CSMD3: variants seen among roughly 807,000 people sequenced by gnomAD.
CSMD3 encodes the protein CUB and Sushi multiple domains 3.
Under a neutral mutation model 435.2 loss-of-function variants are expected in CSMD3, and 177 were observed. The ratio of observed to expected loss-of-function variants is 0.41; its 90% confidence interval spans 0.36 to 0.46. The LOEUF (loss-of-function observed/expected upper bound fraction) is 0.46. Ranked by LOEUF, CSMD3 falls within the 20% of genes least tolerant of loss-of-function variation. The pLI is 0.34. For synonymous variants in CSMD3, 1,656 were observed against 1,520.5 expected (o/e 1.09, Z -2.07); for missense variants, 4,265 against 4,504.6 (o/e 0.95, Z 1.52).
intron 38 of CSMD3, among the ~76,000 whole-genome samples, chr8:112,370,029 A>AGAG (rs1160457546): frequency 0.04 from 2,492 of 61,562 alleles, 188 homozygotes; most frequent in Middle Eastern, 0.11. Flanking sequence ...AAGAGGAAGA[A>AGAG]GAAGAAGAAG....
At chr8:112,591,076 GGAGAATAA>G (rs1358430033) in intron 22 of CSMD3, among the ~76,000 whole-genome samples, 1 of 152,010 alleles carries the variant, frequency 6.6e-6, no homozygotes, top group Non-Finnish European at 1.5e-5. Context: ...GAAAATGTTT[GGAGAATAA>G]GTACTTAGTG....
chr8:113,219,597 C>A (rs1335588669), intron 3 of CSMD3, among the ~76,000 whole-genome samples: 1 of 151,262 alleles, frequency 6.6e-6, no homozygotes, highest in Non-Finnish European at 1.5e-5. Flanking sequence ...AGATGGATAG[C>A]TATTTAGAAA....
At chr8:113,385,114 T>C (rs1442446215) in intron 1 of CSMD3, among the ~76,000 whole-genome samples, 2 of 152,092 alleles carry the variant, frequency 1.3e-5, no homozygotes, top group African/African-American at 4.8e-5. Flanking sequence ...CAAAAGTCAA[T>C]TACCAGGAGT....
At chr8:113,398,042 G>T (rs958535810) in intron 1 of CSMD3, among the ~76,000 whole-genome samples, 4 of 152,050 alleles carry the variant, frequency 2.6e-5, no homozygotes, top group African/African-American at 9.7e-5. Context: ...AGTTTGAGCA[G>T]TGTAGGTACA....
chr8:113,168,670 TTTA>T lies in CSMD3; in HGVS notation c.709+5049_709+5051del, dbSNP rs543063169. Among the ~76,000 whole-genome samples, 204 of 152,010 alleles carry T rather than the reference TTTA, an allele frequency of 1.3e-3. 1 individual carries two copies. Among genetic ancestry groups the T allele is most frequent in the African/African-American group, 4.8e-3 (198 of 41,524 alleles). Reference sequence around the variant, plus strand: ...ATATTTTCATTTTGGCGAAGTACAATTTATTATTATATTTAAGCACTATATGGG... The same window carrying T: ...ATATTTTCATTTTGGCGAAGTACAATTTATTATATTTAAGCACTATATGGG... On this transcript the variant is annotated intron_variant, in intron 4 of 70. Transcript: ENST00000297405.
intron 38 of CSMD3, among the ~76,000 whole-genome samples, chr8:112,362,096 C>G (rs1458814037): frequency 3.3e-5 from 5 of 151,734 alleles, no homozygotes; most frequent in Non-Finnish European, 7.4e-5. Context: ...ACGGTGAACC[C>G]AATATGAGTT....
chr8:112,306,247 T>C (rs771686973), intron 50 of CSMD3, 55 bp from the exon 51 acceptor site: 5 of 1,340,048 alleles, frequency 3.7e-6, no homozygotes, highest in Admixed American at 1.8e-5. Context: ...GTTTAATTTA[T>C]TAGGTAACTC....
At chr8:113,107,818 C>A (rs1425776859) in intron 4 of CSMD3, among the ~76,000 whole-genome samples, 1 of 152,156 alleles carries the variant, frequency 6.6e-6, no homozygotes, top group African/African-American at 2.4e-5. Flanking sequence ...GCCTCCCTCT[C>A]ACTGTAAACT....
chr8:112,680,397 T>C (rs2075863016), intron 16 of CSMD3, among the ~76,000 whole-genome samples: 1 of 152,096 alleles, frequency 6.6e-6, no homozygotes, highest in African/African-American at 2.4e-5. Context: ...AATGCTAATG[T>C]AGATTTTTCT....
intron 16 of CSMD3, among the ~76,000 whole-genome samples, chr8:112,672,369 A>G (rs1273880056): frequency 6.6e-6 from 1 of 152,106 alleles, no homozygotes; most frequent in Admixed American, 6.6e-5. Context: ...GCCTCTGGTT[A>G]CCTGCAGTTA....
Position 112,287,172 on chromosome 8 carries a change from T to C in CSMD3, c.9223A>G (p.Lys3075Glu), listed in dbSNP as rs755844958. The C allele has an allele frequency of 5.0e-6, 8 of 1,613,798 alleles. No individual in the cohort carries two copies. The South Asian group carries it at 7.7e-5, about 16-fold the overall frequency. Residue 3075 changes from lysine to glutamate, a missense_variant, in exon 58 of 71, where the codon AAA (lysine) becomes GAA (glutamate). Lys to Glu is a moderately conservative substitution (Grantham distance 56, BLOSUM62 1). Transcript: ENST00000297405. ...GSRQESNFRT[K>E]STVRYACDTG... Reference sequence around the variant, plus strand: ...TCACAAGCATAACGTACAGTACTTTTAGTTCTGAAATTGCTTTCCTGTCTA... The same window carrying C: ...TCACAAGCATAACGTACAGTACTTTCAGTTCTGAAATTGCTTTCCTGTCTA...
At chr8:112,962,645 A>G (rs939166229) in intron 7 of CSMD3, among the ~76,000 whole-genome samples, 2 of 152,002 alleles carry the variant, frequency 1.3e-5, no homozygotes, top group African/African-American at 4.8e-5. Flanking sequence ...TTCACTAGAA[A>G]TATTAATATC....
chr8:112,332,798 G>A (rs1186108426), intron 45 of CSMD3, among the ~76,000 whole-genome samples: 1 of 152,090 alleles, frequency 6.6e-6, no homozygotes, highest in African/African-American at 2.4e-5. Flanking sequence ...GATATGGTAT[G>A]GAAACAGATA....
intron 5 of CSMD3, among the ~76,000 whole-genome samples, chr8:113,084,616 T>C (rs1314455613): frequency 1.4e-5 from 1 of 72,882 alleles, no homozygotes; most frequent in African/African-American, 6.3e-5. Context: ...AAAATTTGAA[T>C]GGAACCAAAA....
At chr8:112,505,342 C>A (rs1404353705) in intron 29 of CSMD3, among the ~76,000 whole-genome samples, 1 of 152,118 alleles carries the variant, frequency 6.6e-6, no homozygotes, top group African/African-American at 2.4e-5. Flanking sequence ...TAGCAGAAGT[C>A]AGAAGATTAA....
At chr8:112,241,844 G>GCA (rs5894077) in intron 65 of CSMD3, 59 bp from the exon 66 acceptor site, 34,805 of 757,754 alleles carry the variant, frequency 0.046, 276 homozygotes, top group Non-Finnish European at 0.056. Context: ...ATACACATGC[G>GCA]CACACACACA....
chr8:113,308,998 G>C lies in CSMD3; in HGVS notation c.401+5573C>G, dbSNP rs934322885. Among the ~76,000 whole-genome samples, 3 of 151,966 alleles carry C rather than the reference G, an allele frequency of 2.0e-5. No individual in the cohort carries two copies. In the East Asian group the frequency reaches 5.8e-4, roughly 29 times the overall value. On this transcript the variant is annotated intron_variant, in intron 2 of 70. Transcript: ENST00000297405. ...GGGTCTGGCTCTGTCACCCTGGCTG[G>C]AGTGCAGTGGTGCAGTCTCTGCTCA...
intron 8 of CSMD3, among the ~76,000 whole-genome samples, chr8:112,948,956 C>G (rs1189398177): frequency 6.6e-6 from 1 of 151,978 alleles, no homozygotes; most frequent in Non-Finnish European, 1.5e-5. Flanking sequence ...GCCATCCATG[C>G]TGGTGTGCAG....
intron 11 of CSMD3, among the ~76,000 whole-genome samples, chr8:112,837,650 C>T (rs11997780): frequency 0.013 from 2,006 of 151,730 alleles, 46 homozygotes; most frequent in African/African-American, 0.046. Context: ...AATAGGTATT[C>T]GTATCTGTTC....
Sources: gnomAD v4.1 joint callset for allele counts (sites outside exome capture counted in the v4.1 genomes callset) on GRCh38, gnomAD v4.1.1 for gene constraint, MANE v1.5 for transcripts, NCBI Gene and HGNC (gene_info 2026-07-23, HGNC 2026-07-21) for gene names.